TLE6: variants seen among roughly 807,000 people sequenced by gnomAD.
TLE6 encodes the protein transducin-like enhancer protein 6.
In TLE6, 72 loss-of-function variants were observed where a neutral mutation model predicts 77.1. That is an observed-to-expected ratio of 0.93 (90% confidence interval 0.77 to 1.14). The LOEUF (loss-of-function observed/expected upper bound fraction) is 1.14, where lower values mean the gene tolerates loss of function less well. TLE6 is among the 50% of genes most tolerant of loss of function. The pLI is 0.00. For missense variants in TLE6, 843 were observed against 747.6 expected, an observed-to-expected ratio of 1.13 and a Z score of -1.49; for synonymous variants, 366 against 287.3, an observed-to-expected ratio of 1.27 and a Z score of -2.77.
chr19:2,984,096 T>C (rs1011152410), intron 5 of TLE6: 2 of 152,398 alleles, frequency 1.3e-5, no homozygotes, highest in Admixed American at 1.3e-4. Context: ...CGCCTCGCTG[T>C]GCTTTCAAAA....
chr19:2,990,235 AT>A (rs1428156137), intron 13 of TLE6, among the ~76,000 whole-genome samples: 1 of 152,080 alleles, frequency 6.6e-6, no homozygotes, highest in Non-Finnish European at 1.5e-5. Context: ...AATTTATTCT[AT>A]TTTTATTAAA....
At chr19:2,985,961 C>T (rs2088899466) in intron 5 of TLE6, among the ~76,000 whole-genome samples, 1 of 150,226 alleles carries the variant, frequency 6.7e-6, no homozygotes. Context: ...TGTAATCCAG[C>T]TACTTGGGAG....
At chr19:2,982,047 G>A in intron 4 of TLE6, 101 bp from the exon 5 acceptor site, 7 of 1,233,320 alleles carry the variant, frequency 5.7e-6, no homozygotes, top group Non-Finnish European at 6.9e-6. Context: ...AAAATTTAAG[G>A]TGGGGGAGTA....
rs1166773036 is a variant in TLE6 at position 2,991,383 on chromosome 19, TATATATATATATAC to T, written c.1245-458_1245-445del. 2.8e-4 allele frequency among the ~76,000 whole-genome samples: 29 copies of T among 103,474 alleles called. 1 individual carries two copies. Among genetic ancestry groups the T allele is most frequent in the Admixed American group, 1.7e-3 (17 of 10,104 alleles). The allele number at this position is 103,474 out of a possible 152,430, so 67.9% of individuals were successfully genotyped here. On this transcript the variant is annotated intron_variant, in intron 13 of 16. Transcript: ENST00000246112. ...CAAAAAAAAAAAAAATACGTATATA[TATATATATATATAC>T]ACACACACACACACACACACACACA...
chr19:2,983,741 C>T (rs2088847397), intron 5 of TLE6, among the ~76,000 whole-genome samples: 2 of 152,118 alleles, frequency 1.3e-5, no homozygotes, highest in Middle Eastern at 6.8e-3. Flanking sequence ...CAGGCCCTGG[C>T]TACTGCGGAG....
Position 2,995,056 on chromosome 19 carries a change from T to TCCCCCCCCTTCC in TLE6, c.*60_*61insTTCCCCCCCCCC. 2.4e-6 allele frequency: 2 copies of TCCCCCCCCTTCC among 827,280 alleles called. No homozygotes were observed. Among genetic ancestry groups the TCCCCCCCCTTCC allele is most frequent in the East Asian group, 2.9e-5 (1 of 34,168 alleles). 51.2% of individuals were successfully genotyped at this position (827,280 alleles called of 1,614,324 possible). ...CGGCTCCTCTTTTCATCCCCCCCCT[T>TCCCCCCCCTTCC]CCCCCCCCCCAACAAGGGGGACATG... On this transcript the variant is annotated 3_prime_UTR_variant, in exon 17 of 17. Coordinates refer to ENST00000246112, the MANE Select transcript of TLE6 (RefSeq NM_001143986.2).
At chr19:2,988,375 T>A (rs1033879944) in intron 11 of TLE6, among the ~76,000 whole-genome samples, 1 of 151,934 alleles carries the variant, frequency 6.6e-6, no homozygotes, top group Non-Finnish European at 1.5e-5. Flanking sequence ...GGCGGGCAGA[T>A]CACGAGGTCA....
intron 2 of TLE6, among the ~76,000 whole-genome samples, chr19:2,979,078 G>C (rs1446642185): frequency 2.0e-5 from 3 of 151,486 alleles, no homozygotes; most frequent in Non-Finnish European, 2.9e-5. Context: ...CGCCTCCCGA[G>C]TAGCTGGGAC....
chr19:2,988,541 T>C (rs11671928), intron 11 of TLE6, among the ~76,000 whole-genome samples: 52,591 of 151,726 alleles, frequency 0.35, 11,255 homozygotes, highest in African/African-American at 0.6. Context: ...GAGGTTGCAG[T>C]GAGTTGAGAT....
At chr19:2,980,244 C>G (rs768232136) in intron 3 of TLE6, 62 bp downstream of exon 3, 293 of 1,410,512 alleles carry the variant, frequency 2.1e-4, no homozygotes, top group Admixed American at 3.6e-4. Context: ...TGGCCTCTCT[C>G]CCGGGGGTCC....
chr19:2,988,683 A>T (rs1165573229), intron 11 of TLE6, among the ~76,000 whole-genome samples: 1 of 152,016 alleles, frequency 6.6e-6, no homozygotes, highest in Admixed American at 6.6e-5. Context: ...ATGGAAGGGG[A>T]TGGGGTGTAG....
In TLE6 at chr19:2,994,922, C is replaced by A. The variant is rs146997057; in HGVS notation, c.1637C>A (p.Thr546Lys). Reference protein sequence around the residue: ...VFEVPEMSPVTCCDVSSNNRL... With the variant: ...VFEVPEMSPVKCCDVSSNNRL... ...CAGGTGCCTGAGATGTCTCCAGTCACGTGCTGTGACGTCTCTTCCAACAAC... is the reference window on the plus strand; with the variant it reads ...CAGGTGCCTGAGATGTCTCCAGTCAAGTGCTGTGACGTCTCTTCCAACAAC... The change falls in exon 17 of 17, where the codon ACG becomes AAG. Residue 546 changes from threonine to lysine, a missense_variant. Thr to Lys is a moderately conservative substitution (Grantham distance 78). Transcript: ENST00000246112. 2.4e-5 allele frequency: 39 copies of A among 1,602,990 alleles called. No individual in the cohort carries two copies. The highest frequency in any genetic ancestry group is 3.1e-5 in the Non-Finnish European group (36 of 1,174,962).
upstream of TLE6, chr19:2,977,408 C>G (rs868788761): frequency 3.3e-5 from 5 of 152,228 alleles, no homozygotes; most frequent in African/African-American, 9.7e-5. Context: ...GGCCTGCCCC[C>G]CCCGGAGCCC....
At chr19:2,982,212 G>T (rs747950644) in intron 5 of TLE6, 23 bp downstream of exon 5, 3 of 1,551,102 alleles carry the variant, frequency 1.9e-6, no homozygotes, top group Admixed American at 3.9e-5. Flanking sequence ...GAGCTCAGGG[G>T]TGCGGCTGTC....
At chr19:2,987,691 C>A (rs2088946774) in intron 8 of TLE6, 33 bp from the exon 9 acceptor site, 2 of 1,612,962 alleles carry the variant, frequency 1.2e-6, no homozygotes, top group South Asian at 2.2e-5. Flanking sequence ...ACAGGCAGGT[C>A]AGCAGGCCTG....
chr19:2,980,427 A>C, intron 3 of TLE6: 1 of 340,660 alleles, frequency 2.9e-6, no homozygotes, highest in East Asian at 6.2e-5. Context: ...GTTGGCATTC[A>C]ATTTTATTGT....
At chr19:2,985,391 C>A (rs1341606104) in intron 5 of TLE6, among the ~76,000 whole-genome samples, 1 of 138,962 alleles carries the variant, frequency 7.2e-6, no homozygotes, top group Non-Finnish European at 1.5e-5. Flanking sequence ...TGTTTTGCTG[C>A]TTGAAGCCTT....
chr19:2,992,255 C>G (rs1431462307), intron 14 of TLE6, among the ~76,000 whole-genome samples: 1 of 152,038 alleles, frequency 6.6e-6, no homozygotes, highest in Non-Finnish European at 1.5e-5. Flanking sequence ...GGCAAATCAC[C>G]TGAGGTCGGG....
intron 14 of TLE6, among the ~76,000 whole-genome samples, chr19:2,992,793 A>AAG (rs1487334518): frequency 1.0e-4 from 2 of 19,756 alleles, no homozygotes; most frequent in South Asian, 2.6e-3. Context: ...AAAAAAAAAA[A>AAG]GGGGGGGAGG....
Sources: allele counts gnomAD v4.1 joint callset (sites outside exome capture counted in the v4.1 genomes callset), GRCh38; gene constraint gnomAD v4.1.1; transcripts MANE v1.5; gene names NCBI Gene and HGNC (gene_info 2026-07-23, HGNC 2026-07-21).